Variants in ARHGEF3 observed in about 807,000 individuals in gnomAD.
The protein encoded by ARHGEF3 is Rho guanine nucleotide exchange factor 3, also known as 59.8 kDA protein.
In ARHGEF3, 28 loss-of-function variants were observed where a neutral mutation model predicts 63.2. That is an observed-to-expected ratio of 0.44 (90% CI 0.33 to 0.61). ARHGEF3 has a LOEUF of 0.61. Among genes scored for constraint, ARHGEF3 ranks in the 20% least tolerant of loss-of-function variants. The probability of loss-of-function intolerance (pLI) is 0.03; values close to 1 mark genes in which losing one functional copy is unlikely to be tolerated. For synonymous variants in ARHGEF3, 266 were observed against 254.2 expected (o/e 1.05, Z -0.44); for missense variants, 533 against 659.3 (o/e 0.81, Z 2.10).
At chr3:57,072,985 G>A (rs933412107) in intron 1 of ARHGEF3, among the ~76,000 whole-genome samples, 8 of 152,188 alleles carry the variant, frequency 5.3e-5, no homozygotes, top group African/African-American at 4.8e-5. Flanking sequence ...GGCAGAGGTT[G>A]CAGTGAGCCA....
chr3:57,034,883 T>C (rs1196062467), intron 2 of ARHGEF3, among the ~76,000 whole-genome samples: 2 of 151,938 alleles, frequency 1.3e-5, no homozygotes, highest in Non-Finnish European at 2.9e-5. Flanking sequence ...GGTCTCGAAC[T>C]CCTGGACTCA....
intron 3 of ARHGEF3, among the ~76,000 whole-genome samples, chr3:56,946,317 A>G (rs534999229): frequency 1.8e-4 from 27 of 152,328 alleles, no homozygotes; most frequent in African/African-American, 6.0e-4. Context: ...GCTTCAGAAG[A>G]TCAAACTACT....
At chr3:56,761,710 A>C (rs1261018473) in intron 2 of ARHGEF3, among the ~76,000 whole-genome samples, 1 of 152,150 alleles carries the variant, frequency 6.6e-6, no homozygotes, top group Non-Finnish European at 1.5e-5. Context: ...CTTTACAGAC[A>C]AGGAAACTTG....
Position 56,958,623 on chromosome 3 carries a change from C to T in ARHGEF3, c.129+200G>A, listed in dbSNP as rs367962482. 1.2e-4 allele frequency among the ~76,000 whole-genome samples: 19 copies of T among 152,252 alleles called. No individual in the cohort carries two copies. In the East Asian group the frequency reaches 2.9e-3, roughly 23 times the overall value. ...CTGGGATTACAGACATGAGCTATCACGCCTGGCCACCACTTGGAGTTTTTA... is the reference window on the plus strand; with the variant it reads ...CTGGGATTACAGACATGAGCTATCATGCCTGGCCACCACTTGGAGTTTTTA... On this transcript the variant is annotated intron_variant, in intron 3 of 12. Coordinates refer to the ARHGEF3 transcript ENST00000338458.
intron 2 of ARHGEF3, among the ~76,000 whole-genome samples, chr3:56,974,071 T>G (rs4681939): frequency 0.54 from 81,714 of 151,820 alleles, 22,338 homozygotes; most frequent in Middle Eastern, 0.63. Context: ...GGGCGACAGA[T>G]CAAGACTCTG....
chr3:56,829,610 G>T (rs2038857947), intron 4 of ARHGEF3, among the ~76,000 whole-genome samples: 1 of 152,160 alleles, frequency 6.6e-6, no homozygotes, highest in Non-Finnish European at 1.5e-5. Flanking sequence ...CCCACAGACA[G>T]AGCTATCTGA....
intron 9 of ARHGEF3, among the ~76,000 whole-genome samples, chr3:56,730,234 G>GTATC (rs2033039284): frequency 6.6e-6 from 1 of 151,952 alleles, no homozygotes; most frequent in African/African-American, 2.4e-5. Flanking sequence ...CCATATGAGA[G>GTATC]TATCTATACA....
intron 1 of ARHGEF3, among the ~76,000 whole-genome samples, chr3:56,784,815 T>C (rs1435880568): frequency 6.6e-6 from 1 of 152,178 alleles, no homozygotes; most frequent in African/African-American, 2.4e-5. Context: ...AGCCAACCTG[T>C]CTGGTCAGAG....
intron 3 of ARHGEF3, among the ~76,000 whole-genome samples, chr3:56,953,390 G>A (rs1237603564): frequency 2.0e-5 from 3 of 152,246 alleles, no homozygotes; most frequent in Admixed American, 6.5e-5. Context: ...AGGACCTCTT[G>A]TCAAAAGACA....
chr3:56,914,932 T>C (rs2041946157), intron 3 of ARHGEF3, among the ~76,000 whole-genome samples: 1 of 152,120 alleles, frequency 6.6e-6, no homozygotes, highest in Admixed American at 6.6e-5. Flanking sequence ...TGGTGATGGT[T>C]GCACAACATT....
chr3:56,847,282 C>T (rs2039522566), intron 4 of ARHGEF3, among the ~76,000 whole-genome samples: 1 of 152,138 alleles, frequency 6.6e-6, no homozygotes, highest in Admixed American at 6.5e-5. Flanking sequence ...TGTCTTGGAG[C>T]CAATTCAACC....
At chr3:57,002,457 A>ATAT (rs1560122570) in intron 2 of ARHGEF3, among the ~76,000 whole-genome samples, 3 of 19,176 alleles carry the variant, frequency 1.6e-4, no homozygotes, top group Non-Finnish European at 2.6e-4. Flanking sequence ...GCACTGTTCT[A>ATAT]AGCACTATAT....
At chr3:56,937,383 T>C (rs1051625114) in intron 3 of ARHGEF3, among the ~76,000 whole-genome samples, 1 of 152,218 alleles carries the variant, frequency 6.6e-6, no homozygotes, top group African/African-American at 2.4e-5. Flanking sequence ...TGTGTTACTT[T>C]GGAATGGTTT....
intron 3 of ARHGEF3, among the ~76,000 whole-genome samples, chr3:56,925,357 T>C (rs2042248923): frequency 6.6e-6 from 1 of 152,228 alleles, no homozygotes; most frequent in African/African-American, 2.4e-5. Context: ...CTAGACACTG[T>C]AATAAATTCA....
At chr3:57,026,851 C>G (rs975935524) in intron 2 of ARHGEF3, among the ~76,000 whole-genome samples, 10 of 152,200 alleles carry the variant, frequency 6.6e-5, no homozygotes, top group Non-Finnish European at 1.5e-4. Flanking sequence ...TTTATTGTCT[C>G]CTATCACTAT....
At position 56,926,429 on chromosome 3, in the gene ARHGEF3, AGTG is replaced by A. The variant is rs148589181; in HGVS notation, c.129+32391_129+32393del. On this transcript the variant is annotated intron_variant, in intron 3 of 12. Transcript: ENST00000338458. ...GATAGAAATTCTTTTTGTCAAGAACAGTGGCCATGGCCATAGAATACAGTACTA... is the reference window on the plus strand; with the variant it reads ...GATAGAAATTCTTTTTGTCAAGAACAGCCATGGCCATAGAATACAGTACTA... Among the ~76,000 whole-genome samples the A allele has an allele frequency of 5.3e-3, 802 of 152,368 alleles. 6 individuals carry two copies. Among genetic ancestry groups the A allele is most frequent in the African/African-American group, 0.019 (780 of 41,586 alleles).
intron 3 of ARHGEF3, among the ~76,000 whole-genome samples, chr3:56,945,104 C>G (rs955452649): frequency 6.6e-6 from 1 of 152,092 alleles, no homozygotes; most frequent in Non-Finnish European, 1.5e-5. Context: ...CAGCAAATGT[C>G]ATTGTTATCT....
In ARHGEF3 at chr3:57,034,107, G is replaced by C. The variant is rs552189993; in HGVS notation, c.62+981C>G. Among the ~76,000 whole-genome samples, 214 of 152,022 alleles carry C rather than the reference G, an allele frequency of 1.4e-3. 1 individual carries two copies. The highest frequency in any genetic ancestry group is 4.9e-3 in the African/African-American group (203 of 41,518). The stretch of plus-strand genomic sequence containing the variant: ...TTTAATTATTGACATTACACTAAAA[G>C]TTTTTAATTATCTAATGTACTTATT... On this transcript the variant is annotated intron_variant, in intron 2 of 12. Transcript: ENST00000338458.
chr3:56,731,806 A>G (rs1291176685), intron 9 of ARHGEF3: 2 of 244,514 alleles, frequency 8.2e-6, no homozygotes, highest in African/African-American at 4.5e-5. Context: ...TTACAGATGA[A>G]TCCACATTCC....
Sources: allele counts gnomAD v4.1 joint callset (sites outside exome capture counted in the v4.1 genomes callset), GRCh38; gene constraint gnomAD v4.1.1; transcripts MANE v1.5; gene names NCBI Gene and HGNC (gene_info 2026-07-23, HGNC 2026-07-21).